The following RPTOR variants were observed in gnomAD, a reference collection of about 807,000 sequenced individuals.
RPTOR encodes regulatory associated protein of MTOR complex 1, also known as regulatory-associated protein of mTOR.
RPTOR carries 21 observed loss-of-function variants against 169.9 expected under a neutral mutation model. The observed-to-expected ratio is 0.12, with a 90% CI of 0.09 to 0.18. RPTOR has a LOEUF of 0.18. Among genes scored for constraint, RPTOR ranks in the 10% least tolerant of loss-of-function variants. The pLI is 1.00. For missense variants in RPTOR, 1,133 were observed against 1,855.9 expected, an observed-to-expected ratio of 0.61 and a Z score of 7.16; for synonymous variants, 732 against 753.2, an observed-to-expected ratio of 0.97 and a Z score of 0.46.
chr17:80,568,895 T>TC (rs2064873725), intron 1 of RPTOR, among the ~76,000 whole-genome samples: 1 of 152,174 alleles, frequency 6.6e-6, no homozygotes, highest in African/African-American at 2.4e-5. Context: ...CCCAGGCTGG[T>TC]CTTGAACTCC....
intron 7 of RPTOR, among the ~76,000 whole-genome samples, chr17:80,815,172 G>A (rs2067310800): frequency 6.6e-6 from 1 of 152,238 alleles, no homozygotes; most frequent in South Asian, 2.1e-4. Flanking sequence ...GGCAGTTAGG[G>A]GTGCACAAGG....
chr17:80,876,994 G>GCC, intron 13 of RPTOR, among the ~76,000 whole-genome samples: 1 of 126,814 alleles, frequency 7.9e-6, no homozygotes, highest in Admixed American at 8.1e-5. Flanking sequence ...CCCGTGCCAT[G>GCC]CAGGGTGTGT....
intron 3 of RPTOR, among the ~76,000 whole-genome samples, chr17:80,703,972 ATGCGTT>A (rs2066122670): frequency 6.6e-6 from 1 of 152,164 alleles, no homozygotes; most frequent in Non-Finnish European, 1.5e-5. Flanking sequence ...CTTATAGCTG[ATGCGTT>A]TGGTTTGAAG....
chr17:80,691,671 CT>C (rs1394157794), intron 3 of RPTOR, among the ~76,000 whole-genome samples: 1 of 152,148 alleles, frequency 6.6e-6, no homozygotes, highest in Non-Finnish European at 1.5e-5. Flanking sequence ...TTTTGTACTT[CT>C]TCTACCCTAG....
chr17:80,694,880 A>C (rs1285924893), intron 3 of RPTOR, among the ~76,000 whole-genome samples: 1 of 152,130 alleles, frequency 6.6e-6, no homozygotes, highest in African/African-American at 2.4e-5. Context: ...TGAGTAACTC[A>C]TGGCCTGTTA....
chr17:80,933,352 TAA>T (rs1376664863), intron 24 of RPTOR, among the ~76,000 whole-genome samples: 1 of 152,146 alleles, frequency 6.6e-6, no homozygotes, highest in Non-Finnish European at 1.5e-5. Context: ...ATGAAAACCC[TAA>T]AAATGCAATC....
At chr17:80,760,376 A>G (rs1480895252) in intron 6 of RPTOR, among the ~76,000 whole-genome samples, 1 of 132,614 alleles carries the variant, frequency 7.5e-6, no homozygotes, top group Non-Finnish European at 1.5e-5. Flanking sequence ...ATCTCGGCTC[A>G]CTGCAACCTC....
chr17:80,551,828 G>T (rs948049981), intron 1 of RPTOR, among the ~76,000 whole-genome samples: 7 of 152,160 alleles, frequency 4.6e-5, no homozygotes, highest in African/African-American at 1.7e-4. Context: ...ATCACATGGG[G>T]AGAAACCTTG....
At chr17:80,942,797 T>G (rs1245156322) in intron 25 of RPTOR, among the ~76,000 whole-genome samples, 2 of 152,234 alleles carry the variant, frequency 1.3e-5, no homozygotes, top group African/African-American at 2.4e-5. Context: ...TTCAGCCTTC[T>G]CCTGGGCAAC....
intron 13 of RPTOR, among the ~76,000 whole-genome samples, chr17:80,858,957 G>T (rs927122927): frequency 1.3e-5 from 2 of 152,222 alleles, no homozygotes; most frequent in African/African-American, 4.8e-5. Flanking sequence ...CCTGGCCTCG[G>T]TGTCAAGTGG....
Position 80,886,870 on chromosome 17 carries a change from C to T in RPTOR, c.1983+1722C>T, listed in dbSNP as rs573298543. Among the ~76,000 whole-genome samples, 106 of 152,314 alleles carry T rather than the reference C, an allele frequency of 7.0e-4. 1 individual carries two copies. Among genetic ancestry groups the T allele is most frequent in the African/African-American group, 2.5e-3 (103 of 41,566 alleles). On this transcript the variant is annotated intron_variant, in intron 17 of 33. Coordinates refer to ENST00000306801, the MANE Select transcript of RPTOR (RefSeq NM_020761.3). Reference sequence around the variant, plus strand: ...GAGGGGGATGACAGCCCCTGCCCTCCGGGAGCACGTGGTCTAATCAAAGAG... The same window carrying T: ...GAGGGGGATGACAGCCCCTGCCCTCTGGGAGCACGTGGTCTAATCAAAGAG...
At chr17:80,806,038 T>C (rs2067215366) in intron 7 of RPTOR, among the ~76,000 whole-genome samples, 4 of 152,226 alleles carry the variant, frequency 2.6e-5, no homozygotes. Flanking sequence ...ATGGCAGCAC[T>C]GTGCATATGA....
At chr17:80,804,921 A>T (rs2067203109) in intron 7 of RPTOR, 1 of 152,324 alleles carries the variant, frequency 6.6e-6, no homozygotes, top group South Asian at 2.1e-4. Flanking sequence ...GAGACCGGTT[A>T]TTTTGACCCA....
At chr17:80,634,208 T>C (rs1350498668) in intron 2 of RPTOR, among the ~76,000 whole-genome samples, 1 of 143,202 alleles carries the variant, frequency 7.0e-6, no homozygotes, top group African/African-American at 2.6e-5. Flanking sequence ...ATACTGTGTG[T>C]GCATACTGTG....
chr17:80,884,177 G>A (rs780431579), intron 16 of RPTOR, among the ~76,000 whole-genome samples: 12 of 152,204 alleles, frequency 7.9e-5, no homozygotes, highest in South Asian at 2.1e-4. Context: ...GTGCGCTCCC[G>A]GGGACAGTGG....
intron 1 of RPTOR, among the ~76,000 whole-genome samples, chr17:80,590,907 G>T (rs529698215): frequency 1.9e-4 from 29 of 151,258 alleles, no homozygotes; most frequent in Non-Finnish European, 4.3e-4. Flanking sequence ...TACTCATCTG[G>T]GTCTTGAGTT....
intron 11 of RPTOR, among the ~76,000 whole-genome samples, chr17:80,850,031 A>C (rs769214846): frequency 6.6e-6 from 1 of 152,214 alleles, no homozygotes; most frequent in Non-Finnish European, 1.5e-5. Flanking sequence ...AAAAGGTGAC[A>C]GTGATATTTA....
intron 13 of RPTOR, among the ~76,000 whole-genome samples, chr17:80,869,184 G>A (rs1234914019): frequency 6.6e-6 from 1 of 152,080 alleles, no homozygotes; most frequent in African/African-American, 2.4e-5. Flanking sequence ...TTCTGAGATA[G>A]AGCCTCACTC....
intron 20 of RPTOR, among the ~76,000 whole-genome samples, chr17:80,907,588 T>C (rs907965963): frequency 1.3e-5 from 2 of 152,242 alleles, no homozygotes; most frequent in African/African-American, 2.4e-5. Flanking sequence ...GCCTCCTCCC[T>C]GGCCTCAGCC....
Sources: gnomAD v4.1 joint callset for allele counts (sites outside exome capture counted in the v4.1 genomes callset) on GRCh38, gnomAD v4.1.1 for gene constraint, MANE v1.5 for transcripts, NCBI Gene and HGNC (gene_info 2026-07-23, HGNC 2026-07-21) for gene names.